Variants in CCDC73 observed in about 807,000 individuals in gnomAD.
The protein encoded by CCDC73 is coiled-coil domain containing 73.
CCDC73 carries 95 observed loss-of-function variants against 116.5 expected under a neutral mutation model. That is an observed-to-expected ratio of 0.82 (90% CI 0.69 to 0.97). CCDC73 has a LOEUF of 0.97. Ranked by LOEUF, CCDC73 falls within the 50% of genes least tolerant of loss-of-function variation. CCDC73 has a pLI of 0.00. For synonymous variants in CCDC73, 398 were observed against 401.3 expected (o/e 0.99, Z 0.10); for missense variants, 1,066 against 1,206.8 (o/e 0.88, Z 1.73).
chr11:32,818,257 T>G, the CCDC73 span, among the ~76,000 whole-genome samples: 28 of 152,354 alleles, frequency 1.8e-4, no homozygotes, highest in African/African-American at 6.7e-4. Context: ...ATTAAGGCAG[T>G]AAAAGTAGTA....
chr11:32,645,492 T>C (rs1855770591), intron 12 of CCDC73, among the ~76,000 whole-genome samples: 1 of 152,062 alleles, frequency 6.6e-6, no homozygotes, highest in Admixed American at 6.6e-5. Context: ...GGTTTCACCA[T>C]GTTGGTCAAG....
chr11:32,671,398 CA>C (rs58075036), intron 9 of CCDC73, among the ~76,000 whole-genome samples: 49,416 of 121,670 alleles, frequency 0.41, 8,352 homozygotes, highest in East Asian at 0.74. Flanking sequence ...AACTTTGCTC[CA>C]AAAAAAAAAA....
upstream of CCDC73, among the ~76,000 whole-genome samples, chr11:32,795,420 A>C (rs981073112): frequency 6.6e-6 from 1 of 151,518 alleles, no homozygotes; most frequent in Non-Finnish European, 1.5e-5. Context: ...GCAGTGACCC[A>C]AGACTGCACC....
chr11:32,815,466 C>T, the CCDC73 span, among the ~76,000 whole-genome samples: 5 of 149,758 alleles, frequency 3.3e-5, no homozygotes, highest in African/African-American at 1.2e-4. Context: ...TCCCAAAGCG[C>T]TGGGATTTAC....
At chr11:32,737,231 CTGTGTGTGTGTGTG>C (rs200606807) in intron 2 of CCDC73, among the ~76,000 whole-genome samples, 57 of 137,654 alleles carry the variant, frequency 4.1e-4, no homozygotes, top group African/African-American at 1.2e-3. Flanking sequence ...CATAGTAGGG[CTGTGTGTGTGTGTG>C]TGTGTGTGTG....
intron 7 of CCDC73, chr11:32,682,418 T>A (rs1410426975): frequency 6.6e-6 from 1 of 151,960 alleles, no homozygotes; most frequent in Admixed American, 6.6e-5. Flanking sequence ...CAACAGAATT[T>A]TCACATCTTT....
At chr11:32,757,313 A>G (rs1340781060) in intron 2 of CCDC73, among the ~76,000 whole-genome samples, 1 of 152,140 alleles carries the variant, frequency 6.6e-6, no homozygotes, top group African/African-American at 2.4e-5. Context: ...TTTATTCTAC[A>G]TAAATTTTAT....
chr11:32,614,292 T>C lies in CCDC73; in HGVS notation c.2026A>G (p.Ile676Val), dbSNP rs758834566. Residue 676 changes from isoleucine (I) to valine (V), a missense_variant, in exon 16 of 18, where the codon ATA (isoleucine) becomes GTA (valine). Transcript: ENST00000335185. ...QLLTKKSECS[I>V]LLSKQTSDFL... Reference sequence around the variant, plus strand: ...TCTGAAGTTTGTTTAGAAAGTAATATGCTGCACTCACTTTTTTTAGTTAAC... The same window carrying C: ...TCTGAAGTTTGTTTAGAAAGTAATACGCTGCACTCACTTTTTTTAGTTAAC... The C allele has an allele frequency of 9.9e-6, 16 of 1,613,336 alleles. No individual in the cohort carries two copies. The highest frequency in any genetic ancestry group is 1.4e-5 in the Non-Finnish European group (16 of 1,179,534).
chr11:32,767,732 C>G (rs1850455806), intron 1 of CCDC73, among the ~76,000 whole-genome samples: 1 of 152,204 alleles, frequency 6.6e-6, no homozygotes, highest in Non-Finnish European at 1.5e-5. Flanking sequence ...TGCTCATCAT[C>G]ACTGGCCATC....
rs1358419537 is a variant in CCDC73 at position 32,675,940 on chromosome 11, T to C, written c.511A>G (p.Ile171Val). 3.7e-6 allele frequency: 6 copies of C among 1,610,094 alleles called. No individual in the cohort carries two copies. The highest frequency in any genetic ancestry group is 2.2e-5 in the East Asian group (1 of 44,642). ...TTTACCAATCCAAATTGACCTGTTATTGTGGCATAATATTTCTCAATTTCA... is the reference window on the plus strand; with the variant it reads ...TTTACCAATCCAAATTGACCTGTTACTGTGGCATAATATTTCTCAATTTCA... ...LSEIEKYYATITGQFGLVKEN... is the reference protein window; with the variant it reads ...LSEIEKYYATVTGQFGLVKEN... Residue 171 changes from isoleucine (I) to valine (V), a missense_variant, in exon 8 of 18, where the codon ATA becomes GTA. Coordinates refer to ENST00000335185, the MANE Select transcript of CCDC73 (RefSeq NM_001008391.4).
At chr11:32,615,434 T>C (rs1855465341) in intron 15 of CCDC73, among the ~76,000 whole-genome samples, 1 of 152,192 alleles carries the variant, frequency 6.6e-6, no homozygotes, top group South Asian at 2.1e-4. Flanking sequence ...CCAGTGAATA[T>C]TTTTAAATTC....
rs1447240810 is a variant in CCDC73, at chr11:32,625,962, G to A, written c.1185+9734C>T. 2.9e-5 allele frequency among the ~76,000 whole-genome samples: 4 copies of A among 136,664 alleles called. 1 individual carries two copies. Among genetic ancestry groups the A allele is most frequent in the Non-Finnish European group, 6.5e-5 (4 of 61,414 alleles). 89.7% of individuals were successfully genotyped at this position (136,664 alleles called of 152,430 possible). A position where few individuals can be genotyped will look rare whatever the true frequency, so the allele number is the denominator to read the frequency against. ...TCTCACCGTTCCTATTCAACATAGT[G>A]TTGGAAGTTCTGGCCAGGGCAGTCA... On this transcript the variant is annotated intron_variant, in intron 14 of 17. Coordinates refer to ENST00000335185, the MANE Select transcript of CCDC73 (RefSeq NM_001008391.4).
At chr11:32,806,391 G>A in the CCDC73 span, among the ~76,000 whole-genome samples, 1,703 of 152,156 alleles carry the variant, frequency 0.011, 20 homozygotes, top group Non-Finnish European at 0.015. Context: ...AGGCTGAGGC[G>A]GGTGGGGGGA....
chr11:32,758,371 C>A, intron 2 of CCDC73: 1 of 507,618 alleles, frequency 2.0e-6, no homozygotes, highest in African/African-American at 1.9e-5. Context: ...TACCTTTATA[C>A]CAAGAAGGTT....
the CCDC73 span, among the ~76,000 whole-genome samples, chr11:32,814,903 T>A: frequency 6.6e-5 from 10 of 152,196 alleles, 1 homozygote; most frequent in Non-Finnish European, 1.5e-4. Context: ...GAAAACATCA[T>A]GCTAAGTGAA....
intron 2 of CCDC73, among the ~76,000 whole-genome samples, chr11:32,747,946 G>C (rs1850255321): frequency 6.6e-6 from 1 of 152,160 alleles, no homozygotes; most frequent in Non-Finnish European, 1.5e-5. Flanking sequence ...CCCTCCACGG[G>C]CTGCACCCAC....
chr11:32,795,958 G>A (rs1174698681), upstream of CCDC73, among the ~76,000 whole-genome samples: 3 of 152,110 alleles, frequency 2.0e-5, no homozygotes, highest in African/African-American at 7.2e-5. Flanking sequence ...CCAAAGTACT[G>A]GGATTACAGG....
chr11:32,611,190 C>G lies in CCDC73; in HGVS notation c.2972G>C (p.Ser991Thr), dbSNP rs1251548401. 1 of 1,613,722 alleles carries G rather than the reference C, an allele frequency of 6.2e-7. No individual in the cohort carries two copies. Among genetic ancestry groups the G allele is most frequent in the Non-Finnish European group, 8.5e-7 (1 of 1,179,736 alleles). Reference sequence around the variant, plus strand: ...CTTTGCCATTGCATTCTTCTCTTCACTGGGTTCTCCCTTGGGATCTGGATG... The same window carrying G: ...CTTTGCCATTGCATTCTTCTCTTCAGTGGGTTCTCCCTTGGGATCTGGATG... ...SIHPDPKGEP[S>T]EEKNAMAKTF... The change falls in exon 17 of 18, where the codon AGT (serine) becomes ACT (threonine). Residue 991 changes from serine (S) to threonine (T), a missense_variant. Physicochemically the swap from Ser to Thr is moderately conservative, Grantham distance 58. Coordinates refer to ENST00000335185, the MANE Select transcript of CCDC73 (RefSeq NM_001008391.4).
At chr11:32,761,865 G>A (rs998261977) in intron 1 of CCDC73, among the ~76,000 whole-genome samples, 13 of 152,168 alleles carry the variant, frequency 8.5e-5, no homozygotes, top group African/African-American at 3.1e-4. Flanking sequence ...GCAGGCTAGA[G>A]ACTCAGGAAA....
Sources: allele counts gnomAD v4.1 joint callset (sites outside exome capture counted in the v4.1 genomes callset), GRCh38; gene constraint gnomAD v4.1.1; transcripts MANE v1.5; gene names NCBI Gene and HGNC (gene_info 2026-07-23, HGNC 2026-07-21).